Variants in WWC2 observed in about 807,000 individuals in gnomAD.
The protein encoded by WWC2 is protein WWC2.
In WWC2, 101 loss-of-function variants were observed where a neutral mutation model predicts 138.5. That is an observed-to-expected ratio of 0.73 (90% CI 0.62 to 0.86). The LOEUF (loss-of-function observed/expected upper bound fraction) is 0.86, where lower values mean the gene tolerates loss of function less well. WWC2 is among the 40% of genes least tolerant of loss of function. The pLI, the probability that WWC2 is intolerant of heterozygous loss-of-function variation, is 0.00. For missense variants in WWC2, 1,420 were observed against 1,419.4 expected (o/e 1.00, Z -0.01); for synonymous variants, 558 against 538.4 (o/e 1.04, Z -0.50).
chr4:183,116,129 G>A (rs1327510878), intron 1 of WWC2, among the ~76,000 whole-genome samples: 1 of 152,142 alleles, frequency 6.6e-6, no homozygotes, highest in African/African-American at 2.4e-5. Flanking sequence ...TGTCAACTTT[G>A]TCAAAGACCA....
intron 1 of WWC2, among the ~76,000 whole-genome samples, chr4:183,155,354 A>T (rs943933472): frequency 6.6e-6 from 1 of 152,054 alleles, no homozygotes; most frequent in African/African-American, 2.4e-5. Flanking sequence ...GAGATGAGAG[A>T]AGTAGTTTGG....
intron 2 of WWC2, among the ~76,000 whole-genome samples, chr4:183,205,588 T>G (rs1735426349): frequency 1.3e-5 from 2 of 152,150 alleles, no homozygotes; most frequent in African/African-American, 4.8e-5. Context: ...GAGTGCTAGG[T>G]TTTGTGCCTT....
At chr4:183,183,703 G>A (rs1279618033) in intron 1 of WWC2, among the ~76,000 whole-genome samples, 4 of 151,090 alleles carry the variant, frequency 2.6e-5, no homozygotes, top group East Asian at 1.9e-4. Context: ...GCTTCAGCCC[G>A]GGAGGTTGAG....
At chr4:183,126,799 G>A (rs1198568779) in intron 1 of WWC2, among the ~76,000 whole-genome samples, 1 of 151,716 alleles carries the variant, frequency 6.6e-6, no homozygotes, top group Non-Finnish European at 1.5e-5. Context: ...CTGGAATCAT[G>A]GCTCACTGCA....
At chr4:183,266,105 G>A (rs1737495827) in intron 14 of WWC2, among the ~76,000 whole-genome samples, 154 bp downstream of exon 14, 1 of 152,262 alleles carries the variant, frequency 6.6e-6, no homozygotes, top group South Asian at 2.1e-4. Flanking sequence ...AAGATGAGAA[G>A]GGAAATGTGA....
chr4:183,099,920 G>C (rs1256148240), intron 1 of WWC2, among the ~76,000 whole-genome samples: 1 of 152,246 alleles, frequency 6.6e-6, no homozygotes, highest in African/African-American at 2.4e-5. Context: ...AGCCCTGTTA[G>C]GAACTTCCCT....
At chr4:183,289,911 G>GC (rs1738388629) in intron 21 of WWC2, among the ~76,000 whole-genome samples, 1 of 151,934 alleles carries the variant, frequency 6.6e-6, no homozygotes, top group East Asian at 1.9e-4. Flanking sequence ...GTGAGGGTGT[G>GC]CCCAAAGGAG....
At chr4:183,147,565 G>T (rs1733496632) in intron 1 of WWC2, among the ~76,000 whole-genome samples, 1 of 152,182 alleles carries the variant, frequency 6.6e-6, no homozygotes, top group Non-Finnish European at 1.5e-5. Context: ...GAATTTCAGA[G>T]ATCTGTCACT....
At chr4:183,147,984 G>GT (rs1316278148) in intron 1 of WWC2, among the ~76,000 whole-genome samples, 1 of 151,928 alleles carries the variant, frequency 6.6e-6, no homozygotes, top group Non-Finnish European at 1.5e-5. Flanking sequence ...GTTTTGAGTA[G>GT]TTAAAAAAAA....
chr4:183,315,939 C>A lies in WWC2; in HGVS notation c.*210C>A, dbSNP rs1448401041. The A allele has an allele frequency of 4.3e-6, 2 of 468,012 alleles. No homozygotes were observed. The highest frequency in any genetic ancestry group is 3.8e-5 in the East Asian group (1 of 26,506). The allele number at this position is 468,012 out of a possible 1,614,324, so 29.0% of individuals were successfully genotyped here. A position where few individuals can be genotyped will look rare whatever the true frequency, so the allele number is the denominator to read the frequency against. On this transcript the variant is annotated 3_prime_UTR_variant, in exon 23 of 23. Coordinates refer to ENST00000403733, the MANE Select transcript of WWC2 (RefSeq NM_024949.6). ...TTTATATGCTTAAAAAAGAAAAAAT[C>A]ATATAAGAAAGATGGGATAACCTGG... is the stretch of plus-strand genomic sequence containing the variant.
rs1361293729 is a variant in WWC2 at position 183,154,026 on chromosome 4, A to AACAAAAAAAC, written c.132-39572_132-39571insCAAAAAAACA. Among the ~76,000 whole-genome samples the AACAAAAAAAC allele has an allele frequency of 6.5e-3, 946 of 145,612 alleles. 41 individuals carry two copies. The highest frequency in any genetic ancestry group is 0.025 in the African/African-American group (910 of 36,364). ...GCAAAAAAAAAAAAAAAAAAAAAAA[A>AACAAAAAAAC]AACCCCAAATCTAATTCATCATTTA... On this transcript the variant is annotated intron_variant, in intron 1 of 22. Coordinates refer to ENST00000403733, the MANE Select transcript of WWC2 (RefSeq NM_024949.6).
At chr4:183,311,578 G>GTT (rs33921495) in intron 21 of WWC2, among the ~76,000 whole-genome samples, 37 of 115,302 alleles carry the variant, frequency 3.2e-4, no homozygotes, top group African/African-American at 6.9e-4. Context: ...ATGTGTGCAG[G>GTT]TTTTTTTTTT....
intron 1 of WWC2, among the ~76,000 whole-genome samples, chr4:183,101,563 C>T (rs769020831): frequency 3.3e-5 from 5 of 152,176 alleles, no homozygotes; most frequent in African/African-American, 7.2e-5. Flanking sequence ...AAAAGATACT[C>T]TGTTGAGATC....
intron 4 of WWC2, among the ~76,000 whole-genome samples, chr4:183,221,243 C>T (rs1735927414): frequency 6.6e-6 from 1 of 152,144 alleles, no homozygotes; most frequent in Non-Finnish European, 1.5e-5. Context: ...CATCAAAGGA[C>T]ATAAGAATCT....
intron 22 of WWC2, among the ~76,000 whole-genome samples, chr4:183,315,356 A>G (rs567458553): frequency 4.6e-5 from 7 of 152,074 alleles, no homozygotes; most frequent in Non-Finnish European, 8.8e-5. Context: ...TAGTTCGGAA[A>G]CACCCATCCT....
At chr4:183,107,009 T>C (rs1579941922) in intron 1 of WWC2, among the ~76,000 whole-genome samples, 1 of 152,176 alleles carries the variant, frequency 6.6e-6, no homozygotes, top group East Asian at 1.9e-4. Context: ...TGCTAGACTG[T>C]TTACCACCAT....
At chr4:183,115,240 A>C (rs1346868317) in intron 1 of WWC2, among the ~76,000 whole-genome samples, 1 of 152,134 alleles carries the variant, frequency 6.6e-6, no homozygotes, top group Non-Finnish European at 1.5e-5. Flanking sequence ...TCCATGGTGT[A>C]TATGTACCAC....
At chr4:183,237,174 T>C (rs1365998796) in intron 4 of WWC2, among the ~76,000 whole-genome samples, 1 of 152,246 alleles carries the variant, frequency 6.6e-6, no homozygotes, top group Non-Finnish European at 1.5e-5. Context: ...TAGAAATCTT[T>C]CACTTCTTTA....
At chr4:183,167,499 C>T (rs572655916) in intron 1 of WWC2, among the ~76,000 whole-genome samples, 2 of 152,208 alleles carry the variant, frequency 1.3e-5, no homozygotes, top group Admixed American at 6.5e-5. Context: ...CTTGGGTCAG[C>T]CCCAGTTTAC....
Sources: gnomAD v4.1 joint callset for allele counts (sites outside exome capture counted in the v4.1 genomes callset) on GRCh38, gnomAD v4.1.1 for gene constraint, MANE v1.5 for transcripts, NCBI Gene and HGNC (gene_info 2026-07-23, HGNC 2026-07-21) for gene names.